SCD5: variants seen among roughly 807,000 people sequenced by gnomAD.
The protein encoded by SCD5 is acyl-CoA-desaturase 4.
In SCD5, 20 loss-of-function variants were observed where a neutral mutation model predicts 30.4. The observed-to-expected ratio is 0.66, with a 90% CI of 0.46 to 0.96. SCD5 has a LOEUF of 0.96. Among genes scored for constraint, SCD5 ranks in the 40% least tolerant of loss-of-function variants. The pLI is 0.00. For synonymous variants in SCD5, 173 were observed against 176.4 expected, an observed-to-expected ratio of 0.98 and a Z score of 0.16; for missense variants, 381 against 443.3, an observed-to-expected ratio of 0.86 and a Z score of 1.26.
intron 1 of SCD5, chr4:82,753,282 G>T (rs894764710): frequency 1.6e-5 from 8 of 493,036 alleles, no homozygotes; most frequent in Non-Finnish European, 3.4e-5. Context: ...TCTCTAGATG[G>T]CTATGTGTGT....
At chr4:82,724,767 T>C (rs1038115708) in intron 1 of SCD5, among the ~76,000 whole-genome samples, 8 of 152,158 alleles carry the variant, frequency 5.3e-5, no homozygotes, top group African/African-American at 1.9e-4. Flanking sequence ...AGACAGGTGA[T>C]AGATACCCTG....
At chr4:82,710,348 C>A (rs1174367469) in intron 1 of SCD5, among the ~76,000 whole-genome samples, 1 of 152,130 alleles carries the variant, frequency 6.6e-6, no homozygotes, top group Non-Finnish European at 1.5e-5. Context: ...CTCCATGGGG[C>A]CTCAGTAAAT....
At chr4:82,734,983 G>A (rs1720718496) in intron 1 of SCD5, among the ~76,000 whole-genome samples, 1 of 151,430 alleles carries the variant, frequency 6.6e-6, no homozygotes, top group African/African-American at 2.4e-5. Flanking sequence ...TGCCCAGGCT[G>A]GTCTCGAACT....
At chr4:82,705,746 T>C (rs1235887033) in intron 1 of SCD5, among the ~76,000 whole-genome samples, 1 of 152,148 alleles carries the variant, frequency 6.6e-6, no homozygotes, top group Non-Finnish European at 1.5e-5. Context: ...ACACATACAC[T>C]CTCGGCAGGG....
intron 1 of SCD5, among the ~76,000 whole-genome samples, chr4:82,744,275 C>T (rs1720940704): frequency 6.6e-6 from 1 of 152,106 alleles, no homozygotes; most frequent in Non-Finnish European, 1.5e-5. Flanking sequence ...AGACGGTTAC[C>T]CATATTTCTT....
intron 1 of SCD5, among the ~76,000 whole-genome samples, chr4:82,749,146 C>T (rs1447094412): frequency 6.6e-6 from 1 of 152,216 alleles, no homozygotes; most frequent in African/African-American, 2.4e-5. Context: ...TAGTTTTATA[C>T]TTCTGAGACA....
intron 3 of SCD5, among the ~76,000 whole-genome samples, chr4:82,653,037 T>C (rs1345860306): frequency 6.6e-6 from 1 of 151,922 alleles, no homozygotes; most frequent in Non-Finnish European, 1.5e-5. Context: ...CCTGTAGTCC[T>C]GGCTACTTGG....
At chr4:82,712,243 CATAT>C (rs762732703) in intron 1 of SCD5, among the ~76,000 whole-genome samples, 280 of 28,634 alleles carry the variant, frequency 9.8e-3, no homozygotes, top group Non-Finnish European at 0.016. Flanking sequence ...GACCAACTAA[CATAT>C]ATATATATAT....
intron 1 of SCD5, among the ~76,000 whole-genome samples, chr4:82,712,149 A>G (rs992039367): frequency 2.7e-5 from 4 of 146,334 alleles, no homozygotes; most frequent in Non-Finnish European, 4.5e-5. Flanking sequence ...TAGAGCCAGG[A>G]TACAATCTAA....
chr4:82,676,261 C>A (rs1728434306), intron 3 of SCD5, among the ~76,000 whole-genome samples: 1 of 152,224 alleles, frequency 6.6e-6, no homozygotes, highest in African/African-American at 2.4e-5. Context: ...CCTCCCTGGA[C>A]TGCCTGTCTC....
At chr4:82,712,279 T>TATAC (rs1720119385) in intron 1 of SCD5, among the ~76,000 whole-genome samples, 2 of 50,524 alleles carry the variant, frequency 4.0e-5, no homozygotes, top group Non-Finnish European at 7.0e-5. Context: ...TATATATATA[T>TATAC]ATATATATAT....
chr4:82,786,617 T>C (rs915382594), intron 1 of SCD5, among the ~76,000 whole-genome samples: 3 of 151,838 alleles, frequency 2.0e-5, no homozygotes, highest in Non-Finnish European at 4.4e-5. Context: ...CTGGCCAACA[T>C]GGTGAAACTA....
At chr4:82,632,111 G>A (rs969898215) in intron 4 of SCD5, among the ~76,000 whole-genome samples, 47 of 151,796 alleles carry the variant, frequency 3.1e-4, no homozygotes, top group Non-Finnish European at 6.3e-4. Flanking sequence ...ATGTATACAT[G>A]TGCCATGTTG....
intron 4 of SCD5, among the ~76,000 whole-genome samples, chr4:82,632,241 C>T (rs933506431): frequency 6.9e-6 from 1 of 144,430 alleles, no homozygotes; most frequent in South Asian, 2.3e-4. Flanking sequence ...TGTGTCCAAG[C>T]GTTCTCACTG....
At chr4:82,671,092 A>G (rs60239522) in intron 3 of SCD5, among the ~76,000 whole-genome samples, 2,030 of 152,324 alleles carry the variant, frequency 0.013, 46 homozygotes, top group African/African-American at 0.047. Context: ...AGGAGTACCT[A>G]TATTAATTTC....
intron 1 of SCD5, among the ~76,000 whole-genome samples, chr4:82,793,175 T>C (rs190709700): frequency 5.1e-4 from 77 of 152,288 alleles, no homozygotes; most frequent in African/African-American, 1.8e-3. Flanking sequence ...AGTAGTTTAA[T>C]TGAGCATTAA....
Position 82,798,579 on chromosome 4 carries a change from G to A in SCD5, c.-42C>T, listed in dbSNP as rs1472874502. On this transcript the variant is annotated 5_prime_UTR_variant, in exon 1 of 5. Coordinates refer to ENST00000319540, the MANE Select transcript of SCD5 (RefSeq NM_001037582.3). ...CGCCCGCAGCAGCGGCAGGCAGGCA[G>A]GCGCTCTGCCCGAGCGGAGCTCGAG... 1 of 1,515,894 alleles carries A rather than the reference G, an allele frequency of 6.6e-7. No homozygotes were observed. Among genetic ancestry groups the A allele is most frequent in the Admixed American group, 2.1e-5 (1 of 48,628 alleles). 93.9% of individuals were successfully genotyped at this position (1,515,894 alleles called of 1,614,324 possible). A position where few individuals can be genotyped will look rare whatever the true frequency, so the allele number is the denominator to read the frequency against.
chr4:82,798,547 AG>A lies in SCD5; in HGVS notation c.-11del. 6.4e-7 allele frequency: 1 copy of A among 1,566,176 alleles called. No individual in the cohort carries two copies. The highest frequency in any genetic ancestry group is 8.6e-7 in the Non-Finnish European group (1 of 1,156,970). On this transcript the variant is annotated 5_prime_UTR_variant, in exon 1 of 5. Transcript: ENST00000319540. The stretch of plus-strand genomic sequence containing the variant: ...TGGCCGGGCCTGGCATGGCTGGGCG[AG>A]GTGGGCGCCCGCAGCAGCGGCAGGC...
At chr4:82,660,948 A>AT in intron 3 of SCD5, 1 of 1,614,224 alleles carries the variant, frequency 6.2e-7, no homozygotes, top group Non-Finnish European at 8.5e-7. Context: ...TACAATGAGT[A>AT]TGTAACAAAG....
Sources: allele counts gnomAD v4.1 joint callset (sites outside exome capture counted in the v4.1 genomes callset), GRCh38; gene constraint gnomAD v4.1.1; transcripts MANE v1.5; gene names NCBI Gene and HGNC (gene_info 2026-07-23, HGNC 2026-07-21).